Variants in NOS1AP observed in about 807,000 individuals in gnomAD.
NOS1AP encodes nitric oxide synthase 1 adaptor protein.
NOS1AP carries 21 observed loss-of-function variants against 56.2 expected under a neutral mutation model. The ratio of observed to expected loss-of-function variants is 0.37; its 90% CI spans 0.26 to 0.54. The LOEUF is 0.54. Among genes scored for constraint, NOS1AP ranks in the 20% least tolerant of loss-of-function variants. The probability of loss-of-function intolerance (pLI) is 0.84; values close to 1 mark genes in which losing one functional copy is unlikely to be tolerated. For missense variants in NOS1AP, 522 were observed against 657.8 expected, an observed-to-expected ratio of 0.79 and a Z score of 2.26; for synonymous variants, 270 against 274.6, an observed-to-expected ratio of 0.98 and a Z score of 0.17.
At chr1:162,091,517 CAATA>C (rs1245170260) in intron 1 of NOS1AP, among the ~76,000 whole-genome samples, 1 of 152,146 alleles carries the variant, frequency 6.6e-6, no homozygotes, top group Non-Finnish European at 1.5e-5. Context: ...GTGGAAGACT[CAATA>C]AATATATTGC....
intron 2 of NOS1AP, among the ~76,000 whole-genome samples, chr1:162,192,006 T>C (rs1238385004): frequency 6.6e-6 from 1 of 152,096 alleles, no homozygotes; most frequent in Non-Finnish European, 1.5e-5. Flanking sequence ...TTAATGCCAG[T>C]GTTTTTGGGC....
chr1:162,228,055 G>T (rs1652997566), intron 2 of NOS1AP, among the ~76,000 whole-genome samples: 1 of 152,198 alleles, frequency 6.6e-6, no homozygotes, highest in East Asian at 1.9e-4. Flanking sequence ...TAGGACTGAG[G>T]CAGGGAGCAA....
chr1:162,117,286 A>G (rs1398450067), intron 1 of NOS1AP, among the ~76,000 whole-genome samples: 1 of 152,202 alleles, frequency 6.6e-6, no homozygotes, highest in African/African-American at 2.4e-5. Context: ...AGGTGGTAGC[A>G]GCTAGATTCA....
At chr1:162,345,737 T>C (rs999847078) in intron 6 of NOS1AP, among the ~76,000 whole-genome samples, 29 of 152,308 alleles carry the variant, frequency 1.9e-4, no homozygotes, top group Admixed American at 1.6e-3. Flanking sequence ...TTCCATAACC[T>C]CTCTGTGCTT....
intron 6 of NOS1AP, 68 bp from the exon 7 acceptor site, chr1:162,355,119 A>G (rs1192738264): frequency 1.0e-5 from 16 of 1,576,548 alleles, no homozygotes; most frequent in African/African-American, 2.7e-5. Flanking sequence ...AAGCTAAAGT[A>G]TTAGGAAAGG....
At position 162,094,127 on chromosome 1, in the gene NOS1AP, G is replaced by A. The variant is rs538648458; in HGVS notation, c.105+23845G>A. 9.2e-5 allele frequency among the ~76,000 whole-genome samples: 14 copies of A among 152,326 alleles called. No individual in the cohort carries two copies. The South Asian group carries it at 1.2e-3, about 14-fold the overall frequency. On this transcript the variant is annotated intron_variant, in intron 1 of 9. Coordinates refer to ENST00000361897, the MANE Select transcript of NOS1AP (RefSeq NM_014697.3). Reference sequence around the variant, plus strand: ...TGATAGACTCGCACCAATGGCAGATGTGTGGTTGGACTCTCAGCTGATGGG... The same window carrying A: ...TGATAGACTCGCACCAATGGCAGATATGTGGTTGGACTCTCAGCTGATGGG...
At chr1:162,245,486 A>T (rs1653632294) in intron 2 of NOS1AP, among the ~76,000 whole-genome samples, 1 of 152,224 alleles carries the variant, frequency 6.6e-6, no homozygotes, top group South Asian at 2.1e-4. Flanking sequence ...TTAAAATGTT[A>T]AACATACACC....
intron 1 of NOS1AP, among the ~76,000 whole-genome samples, chr1:162,142,361 T>C (rs1435078216): frequency 6.6e-6 from 1 of 152,158 alleles, no homozygotes; most frequent in Non-Finnish European, 1.5e-5. Flanking sequence ...GTAGAAGCCC[T>C]TTATTAGTTT....
intron 2 of NOS1AP, among the ~76,000 whole-genome samples, chr1:162,166,506 T>C (rs1425654530): frequency 1.3e-5 from 2 of 152,228 alleles, no homozygotes; most frequent in Admixed American, 6.5e-5. Flanking sequence ...CAACTTCTGC[T>C]TATCTTCCAG....
chr1:162,251,180 G>A (rs923257593), intron 2 of NOS1AP, among the ~76,000 whole-genome samples: 3 of 152,146 alleles, frequency 2.0e-5, no homozygotes, highest in Non-Finnish European at 1.5e-5. Flanking sequence ...TGTGGCCTAT[G>A]AGCTGTGTGA....
intron 2 of NOS1AP, among the ~76,000 whole-genome samples, chr1:162,267,988 G>A (rs1028363890): frequency 6.6e-6 from 1 of 152,190 alleles, no homozygotes; most frequent in Non-Finnish European, 1.5e-5. Flanking sequence ...GGCCAGATTC[G>A]GTGGCTCATG....
intron 2 of NOS1AP, among the ~76,000 whole-genome samples, chr1:162,285,900 CT>C (rs1655074625): frequency 1.3e-5 from 2 of 152,198 alleles, no homozygotes; most frequent in African/African-American, 2.4e-5. Flanking sequence ...CTCAAATCAG[CT>C]GTGACCAGAG....
intron 2 of NOS1AP, among the ~76,000 whole-genome samples, chr1:162,180,235 ATTTATTTAT>A (rs953406441): frequency 5.3e-5 from 8 of 151,766 alleles, no homozygotes; most frequent in Non-Finnish European, 1.2e-4. Context: ...TTTTATTTTT[ATTTATTTAT>A]TTTATTTATT....
intron 2 of NOS1AP, 88 bp from the exon 3 acceptor site, chr1:162,287,255 CT>C: frequency 1.7e-5 from 16 of 955,842 alleles, no homozygotes; most frequent in East Asian, 4.8e-5. Context: ...GTCTGGGGAC[CT>C]TTTTTCCAGG....
intron 6 of NOS1AP, among the ~76,000 whole-genome samples, chr1:162,345,427 A>T (rs187387051): frequency 6.6e-6 from 1 of 151,550 alleles, no homozygotes; most frequent in Non-Finnish European, 1.5e-5. Context: ...TGTTCTTGCG[A>T]TAGTTTACTG....
intron 2 of NOS1AP, among the ~76,000 whole-genome samples, chr1:162,234,402 G>C (rs960129712): frequency 6.6e-6 from 1 of 152,190 alleles, no homozygotes; most frequent in African/African-American, 2.4e-5. Flanking sequence ...TTTTAGATCA[G>C]GGAATGGCAG....
intron 1 of NOS1AP, among the ~76,000 whole-genome samples, chr1:162,078,301 C>T (rs1167592202): frequency 1.3e-5 from 2 of 152,208 alleles, no homozygotes; most frequent in African/African-American, 4.8e-5. Context: ...TCAAATTTCT[C>T]TTCTGACTTC....
intron 1 of NOS1AP, among the ~76,000 whole-genome samples, chr1:162,110,403 TG>T (rs1412156641): frequency 3.3e-5 from 5 of 152,072 alleles, no homozygotes; most frequent in Non-Finnish European, 5.9e-5. Context: ...TTAATAAATT[TG>T]TTGCTTTAGA....
At position 162,212,606 on chromosome 1, in the gene NOS1AP, G is replaced by A. The variant is rs1420267315; in HGVS notation, c.177+58130G>A. Among the ~76,000 whole-genome samples, 3 of 152,126 alleles carry A rather than the reference G, an allele frequency of 2.0e-5. No homozygotes were observed. In the East Asian group the frequency reaches 5.8e-4, roughly 29 times the overall value. On this transcript the variant is annotated intron_variant, in intron 2 of 9. Coordinates refer to ENST00000361897, the MANE Select transcript of NOS1AP (RefSeq NM_014697.3). ...GTGGTGGTAGTGGAAGAGTGGTAAG[G>A]GATATAGGATAAGAACAGGGGTAAT...
Sources: gnomAD v4.1 joint callset for allele counts (sites outside exome capture counted in the v4.1 genomes callset) on GRCh38, gnomAD v4.1.1 for gene constraint, MANE v1.5 for transcripts, NCBI Gene and HGNC (gene_info 2026-07-23, HGNC 2026-07-21) for gene names.